EPHA5: variants seen among roughly 807,000 people sequenced by gnomAD.
The protein encoded by EPHA5 is ephrin type-A receptor 5.
A neutral mutation model predicts 105.0 loss-of-function variants in EPHA5; 60 were observed. The ratio of observed to expected loss-of-function variants is 0.57; its 90% CI spans 0.46 to 0.71. The LOEUF is 0.71. Ranked by LOEUF, EPHA5 falls within the 30% of genes least tolerant of loss-of-function variation. EPHA5 has a pLI of 0.00. For missense variants in EPHA5, 1,218 were observed against 1,274.7 expected (o/e 0.96, Z 0.68); for synonymous variants, 513 against 449.1 (o/e 1.14, Z -1.80).
At chr4:65,381,939 T>C (rs1560475154) in intron 8 of EPHA5, among the ~76,000 whole-genome samples, 1 of 151,768 alleles carries the variant, frequency 6.6e-6, no homozygotes, top group Non-Finnish European at 1.5e-5. Context: ...TATCAACACC[T>C]TAAAAATACT....
intron 11 of EPHA5, among the ~76,000 whole-genome samples, chr4:65,353,529 CA>C (rs1723027130): frequency 6.6e-6 from 1 of 150,948 alleles, no homozygotes; most frequent in East Asian, 1.9e-4. Context: ...CACACACACA[CA>C]CACCCTTGCC....
At chr4:65,610,596 A>G (rs971491737) in intron 2 of EPHA5, among the ~76,000 whole-genome samples, 1 of 152,208 alleles carries the variant, frequency 6.6e-6, no homozygotes, top group African/African-American at 2.4e-5. Flanking sequence ...TGAAAAATTT[A>G]CTAATAAGAA....
chr4:65,423,230 C>A (rs1274354156), intron 5 of EPHA5, among the ~76,000 whole-genome samples: 1 of 151,976 alleles, frequency 6.6e-6, no homozygotes, highest in Middle Eastern at 3.2e-3. Context: ...AGGTAAATTG[C>A]AAATCCTATT....
At chr4:65,618,137 GTCTTCCACT>G (rs1745405305) in intron 2 of EPHA5, among the ~76,000 whole-genome samples, 1 of 152,118 alleles carries the variant, frequency 6.6e-6, no homozygotes, top group South Asian at 2.1e-4. Flanking sequence ...GACACAGATT[GTCTTCCACT>G]TACCACCAGA....
chr4:65,344,557 C>A (rs1171500255), intron 14 of EPHA5, among the ~76,000 whole-genome samples: 2 of 152,068 alleles, frequency 1.3e-5, no homozygotes, highest in Non-Finnish European at 2.9e-5. Flanking sequence ...AGAAGTTAAC[C>A]AGGCAAATAA....
intron 11 of EPHA5, among the ~76,000 whole-genome samples, chr4:65,358,255 A>G (rs532399670): frequency 6.6e-6 from 1 of 151,624 alleles, no homozygotes; most frequent in East Asian, 1.9e-4. Flanking sequence ...CCATTAGCTC[A>G]TCAATAAACA....
intron 3 of EPHA5, among the ~76,000 whole-genome samples, chr4:65,523,591 G>C (rs1478049909): frequency 6.6e-6 from 1 of 151,958 alleles, no homozygotes; most frequent in Non-Finnish European, 1.5e-5. Context: ...GTTTTAAATT[G>C]AGTTTGCAAA....
intron 5 of EPHA5, among the ~76,000 whole-genome samples, chr4:65,461,286 A>G (rs1728097815): frequency 6.6e-6 from 1 of 151,898 alleles, no homozygotes; most frequent in South Asian, 2.1e-4. Context: ...TTATGTTTCC[A>G]TTTGGCTATA....
At chr4:65,462,971 A>T (rs1728267040) in intron 5 of EPHA5, among the ~76,000 whole-genome samples, 1 of 152,204 alleles carries the variant, frequency 6.6e-6, no homozygotes. Flanking sequence ...GTCTCTAAAG[A>T]AATTTATGAT....
Position 65,669,655 on chromosome 4 carries a change from C to T in EPHA5, c.88G>A (p.Gly30Ser), listed in dbSNP as rs747419095. The change falls in exon 1 of 17, where the codon GGC becomes AGC. Residue 30 changes from glycine (G) to serine (S), a missense_variant. This residue lies in a region of EPHA5 where 233 missense variants were observed against 227.5 expected (regional missense o/e 1.02). Transcript: ENST00000613740. ...GCCCGTCGAGGTGCAGAGTAGCAGC[C>T]GGCCAGGGACGCTGGGGTGATGGGG... ...DTPITPASLA[G>S]CYSAPRRAPL... 7.3e-7 allele frequency: 1 copy of T among 1,377,772 alleles called. No individual in the cohort carries two copies. Among genetic ancestry groups the T allele is most frequent in the South Asian group, 1.9e-5 (1 of 52,008 alleles). 85.3% of individuals were successfully genotyped at this position (1,377,772 alleles called of 1,614,324 possible). A position where few individuals can be genotyped will look rare whatever the true frequency, so the allele number is the denominator to read the frequency against.
chr4:65,530,427 TGTG>T (rs1735658565), intron 3 of EPHA5, among the ~76,000 whole-genome samples: 1 of 152,060 alleles, frequency 6.6e-6, no homozygotes, highest in Non-Finnish European at 1.5e-5. Flanking sequence ...TGTGTGTGTG[TGTG>T]TGTGCGTGTT....
intron 3 of EPHA5, among the ~76,000 whole-genome samples, chr4:65,569,847 C>T (rs983566628): frequency 6.6e-6 from 1 of 151,482 alleles, no homozygotes; most frequent in African/African-American, 2.4e-5. Context: ...TTTTGCATAC[C>T]CTCATCCTCC....
intron 3 of EPHA5, among the ~76,000 whole-genome samples, chr4:65,519,332 T>A (rs2149275796): frequency 6.6e-6 from 1 of 152,236 alleles, no homozygotes; most frequent in East Asian, 1.9e-4. Flanking sequence ...CAGCAGCCCT[T>A]CATGCCAAAA....
rs1460374529 is a variant in EPHA5 at position 65,602,019 on chromosome 4, C to A, written c.532G>T (p.Ala178Ser). Residue 178 changes from alanine to serine, a missense_variant, in exon 3 of 17, where the codon GCT becomes TCT. By Grantham distance (99) the Ala-to-Ser change is moderately conservative. Transcript: ENST00000613740. ...ENQYIKIDTI[A>S]ADESFTELDL... is the part of the protein sequence containing the mutation. ...AGTTCTGTAAAGCTTTCATCGGCAGCAATGGTATCAATTTTGATGTATTGG... is the reference window on the plus strand; with the variant it reads ...AGTTCTGTAAAGCTTTCATCGGCAGAAATGGTATCAATTTTGATGTATTGG... The A allele has an allele frequency of 2.5e-6, 4 of 1,614,124 alleles. 1 individual carries two copies. The South Asian group carries it at 4.4e-5, about 18-fold the overall frequency.
intron 8 of EPHA5, among the ~76,000 whole-genome samples, chr4:65,401,084 A>G (rs894844684): frequency 1.3e-5 from 2 of 151,656 alleles, no homozygotes; most frequent in Non-Finnish European, 3.0e-5. Flanking sequence ...AAGAAAAAAA[A>G]TCAATCATGT....
intron 3 of EPHA5, among the ~76,000 whole-genome samples, chr4:65,585,361 C>CA (rs964020672): frequency 2.0e-5 from 3 of 148,500 alleles, no homozygotes; most frequent in South Asian, 2.1e-4. Flanking sequence ...TTGGAGAAAA[C>CA]AAAAAAAATC....
chr4:65,407,996 C>A (rs1167687201), intron 7 of EPHA5, among the ~76,000 whole-genome samples: 2 of 152,028 alleles, frequency 1.3e-5, no homozygotes, highest in Admixed American at 1.3e-4. Flanking sequence ...AACTTCTGAG[C>A]TCAAGTGATT....
At chr4:65,666,739 A>G (rs1279958915) in intron 1 of EPHA5, among the ~76,000 whole-genome samples, 1 of 152,212 alleles carries the variant, frequency 6.6e-6, no homozygotes, top group Non-Finnish European at 1.5e-5. Context: ...ATTTAGACTA[A>G]AGGGTAAATT....
At chr4:65,553,539 T>C (rs1001140343) in intron 3 of EPHA5, among the ~76,000 whole-genome samples, 43 of 152,148 alleles carry the variant, frequency 2.8e-4, no homozygotes, top group Non-Finnish European at 5.0e-4. Flanking sequence ...ATTTCTCTTT[T>C]GGTAAATTTA....
Sources: gnomAD v4.1 joint callset for allele counts (sites outside exome capture counted in the v4.1 genomes callset) on GRCh38, gnomAD v4.1.1 for gene constraint, gnomAD v4.1.1 regional missense constraint, MANE v1.5 for transcripts, NCBI Gene and HGNC (gene_info 2026-07-23, HGNC 2026-07-21) for gene names.